Variants in NBAS observed in about 807,000 individuals in gnomAD.
The protein encoded by NBAS is NBAS subunit of NRZ tethering complex, also known as NAG/BC035112 fusion.
A neutral mutation model predicts 302.5 loss-of-function variants in NBAS; 219 were observed. The ratio of observed to expected loss-of-function variants is 0.72; its 90% CI spans 0.65 to 0.81. The LOEUF (loss-of-function observed/expected upper bound fraction) is 0.81. Ranked by LOEUF, NBAS falls within the 30% of genes least tolerant of loss-of-function variation. The pLI is 0.00. For synonymous variants in NBAS, 1,118 were observed against 1,021.6 expected (o/e 1.09, Z -1.80); for missense variants, 2,932 against 2,841.6 (o/e 1.03, Z -0.72).
intron 9 of NBAS, among the ~76,000 whole-genome samples, chr2:15,523,474 A>G (rs913372515): frequency 3.3e-5 from 5 of 152,188 alleles, no homozygotes; most frequent in African/African-American, 1.2e-4. Flanking sequence ...GATGATGTGA[A>G]ATACACAGGA....
chr2:15,333,366 C>G (rs34710254), intron 35 of NBAS, among the ~76,000 whole-genome samples: 1 of 152,048 alleles, frequency 6.6e-6, no homozygotes, highest in South Asian at 2.1e-4. Context: ...GAGGTAAGCC[C>G]AGCAAGAGAC....
At chr2:14,993,637 A>T in the NBAS span, among the ~76,000 whole-genome samples, 4 of 152,356 alleles carry the variant, frequency 2.6e-5, no homozygotes, top group African/African-American at 9.6e-5. Context: ...AGTTGTCTAA[A>T]AATGTTCAAA....
intron 44 of NBAS, among the ~76,000 whole-genome samples, chr2:15,241,484 C>G (rs761147015): frequency 2.6e-5 from 4 of 152,100 alleles, no homozygotes; most frequent in Admixed American, 2.0e-4. Context: ...ATATGGTAAG[C>G]AGGAAGAACA....
chr2:15,149,106 A>G, the NBAS span, among the ~76,000 whole-genome samples: 1 of 152,232 alleles, frequency 6.6e-6, no homozygotes, highest in Admixed American at 6.5e-5. Flanking sequence ...TGCATCCTCA[A>G]TGTAACGGTG....
the NBAS span, among the ~76,000 whole-genome samples, chr2:14,823,118 C>T: frequency 3.3e-5 from 5 of 152,316 alleles, no homozygotes; most frequent in East Asian, 7.7e-4. Context: ...TTATTCCCGT[C>T]AGGACCCTAC....
the NBAS span, among the ~76,000 whole-genome samples, chr2:14,921,704 C>T: frequency 6.6e-6 from 1 of 152,062 alleles, no homozygotes; most frequent in Non-Finnish European, 1.5e-5. Context: ...TGTGAATAAG[C>T]GAGTGTGTGT....
At chr2:15,205,089 T>C (rs192372684) in intron 48 of NBAS, among the ~76,000 whole-genome samples, 189 of 152,174 alleles carry the variant, frequency 1.2e-3, no homozygotes, top group African/African-American at 4.1e-3. Flanking sequence ...AACAATAAGT[T>C]AAAAAGCCAG....
At chr2:15,075,440 C>A in the NBAS span, among the ~76,000 whole-genome samples, 1 of 152,182 alleles carries the variant, frequency 6.6e-6, no homozygotes, top group Non-Finnish European at 1.5e-5. Flanking sequence ...GTGTTTATTT[C>A]ACTGGCTCCC....
intron 9 of NBAS, among the ~76,000 whole-genome samples, chr2:15,526,380 T>G (rs1662913462): frequency 6.6e-6 from 1 of 152,188 alleles, no homozygotes; most frequent in Non-Finnish European, 1.5e-5. Flanking sequence ...ACTCACAACA[T>G]TAGGCAAAAC....
chr2:14,955,739 A>G, the NBAS span, among the ~76,000 whole-genome samples: 1 of 152,190 alleles, frequency 6.6e-6, no homozygotes, highest in Non-Finnish European at 1.5e-5. Context: ...AGCTTGAGCT[A>G]AAGTAGCTGG....
At chr2:15,367,266 G>T (rs1022635757) in intron 31 of NBAS, among the ~76,000 whole-genome samples, 7 of 151,916 alleles carry the variant, frequency 4.6e-5, no homozygotes, top group Non-Finnish European at 8.8e-5. Context: ...AAACTATAAA[G>T]AAATGAAAAT....
At chr2:14,966,167 G>A in the NBAS span, among the ~76,000 whole-genome samples, 1 of 152,100 alleles carries the variant, frequency 6.6e-6, no homozygotes, top group African/African-American at 2.4e-5. Flanking sequence ...GCATGAACCT[G>A]GAAATCTTGT....
Position 15,374,593 on chromosome 2 carries a change from A to G in NBAS, c.3703+15T>C, listed in dbSNP as rs1481271934. The G allele has an allele frequency of 1.3e-6, 2 of 1,591,394 alleles. No individual in the cohort carries two copies. The highest frequency in any genetic ancestry group is 1.7e-6 in the Non-Finnish European group (2 of 1,159,424). ...TATAAGTTAGTAACAATGCAACAGT[A>G]AGTAGAAAACTCACCTTGCAAAGGC... On this transcript the variant is annotated intron_variant, in intron 31 of 51. Coordinates refer to ENST00000281513, the MANE Select transcript of NBAS (RefSeq NM_015909.4).
chr2:14,947,761 A>G, the NBAS span, among the ~76,000 whole-genome samples: 2 of 151,982 alleles, frequency 1.3e-5, no homozygotes, highest in Non-Finnish European at 2.9e-5. Context: ...TTTGTCAGAT[A>G]TGGCCTTTAC....
rs190876436 is a variant in NBAS, at chr2:15,374,490, C to G, written c.3703+118G>C. On this transcript the variant is annotated intron_variant, in intron 31 of 51. Transcript: ENST00000281513. ...TAAAATAATGGGTCAAGGGCAGGATCTATTGCTAATGGATTACATGACCAA... is the reference window on the plus strand; with the variant it reads ...TAAAATAATGGGTCAAGGGCAGGATGTATTGCTAATGGATTACATGACCAA... 1.6e-3 allele frequency: 1,336 copies of G among 849,884 alleles called. 3 individuals are homozygous for G. Among genetic ancestry groups the G allele is most frequent in the Non-Finnish European group, 2.0e-3 (973 of 498,376 alleles). 52.6% of individuals were successfully genotyped at this position (849,884 alleles called of 1,614,324 possible). A position where few individuals can be genotyped will look rare whatever the true frequency, so the allele number is the denominator to read the frequency against.
At chr2:14,890,036 C>G in the NBAS span, among the ~76,000 whole-genome samples, 1 of 152,174 alleles carries the variant, frequency 6.6e-6, no homozygotes, top group Non-Finnish European at 1.5e-5. Flanking sequence ...TAATTAACTA[C>G]TTTAGCAATT....
chr2:15,552,159 T>C (rs557277835), intron 5 of NBAS, among the ~76,000 whole-genome samples: 2 of 152,318 alleles, frequency 1.3e-5, no homozygotes, highest in East Asian at 3.9e-4. Flanking sequence ...GCATTTGACC[T>C]AACAATTCTA....
chr2:15,094,816 G>T, the NBAS span, among the ~76,000 whole-genome samples: 3 of 152,180 alleles, frequency 2.0e-5, no homozygotes, highest in Non-Finnish European at 2.9e-5. Context: ...GCAGGAAGCC[G>T]ACGGGGTCTC....
intron 9 of NBAS, among the ~76,000 whole-genome samples, chr2:15,533,673 GGTGTGCGTGTGTGT>G (rs1241265695): frequency 3.8e-5 from 5 of 130,678 alleles, no homozygotes; most frequent in African/African-American, 1.6e-4. Flanking sequence ...GACTTCGGGG[GGTGTGCGTGTGTGT>G]GTGTGTGTGT....
Sources: gnomAD v4.1 joint callset for allele counts (sites outside exome capture counted in the v4.1 genomes callset) on GRCh38, gnomAD v4.1.1 for gene constraint, MANE v1.5 for transcripts, NCBI Gene and HGNC (gene_info 2026-07-23, HGNC 2026-07-21) for gene names.